The following PRCP variants were observed in gnomAD, a reference collection of about 807,000 sequenced individuals.
The protein encoded by PRCP is prolylcarboxypeptidase.
Under a neutral mutation model 54.2 loss-of-function variants are expected in PRCP, and 46 were observed. The observed-to-expected ratio is 0.85, with a 90% CI of 0.67 to 1.09. PRCP has a LOEUF of 1.09. Among genes scored for constraint, PRCP ranks in the 50% least tolerant of loss-of-function variants. PRCP has a pLI of 0.00. For synonymous variants in PRCP, 240 were observed against 212.2 expected (o/e 1.13, Z -1.14); for missense variants, 613 against 596.8 (o/e 1.03, Z -0.28).
chr11:82,874,411 C>G (rs747092168), intron 1 of PRCP, among the ~76,000 whole-genome samples: 53 of 152,248 alleles, frequency 3.5e-4, no homozygotes, highest in Middle Eastern at 3.4e-3. Context: ...CAAGTTTTAC[C>G]TGGGTGCGGT....
At chr11:82,878,521 A>C (rs1037650791) in intron 1 of PRCP, among the ~76,000 whole-genome samples, 12 of 152,308 alleles carry the variant, frequency 7.9e-5, no homozygotes, top group African/African-American at 2.9e-4. Context: ...GATAGTGAAT[A>C]AGTCTCATGA....
In PRCP at chr11:82,838,366, CT is replaced by C. The variant is rs760757490; in HGVS notation, c.1274+20del. On this transcript the variant is annotated intron_variant, in intron 8 of 8. Transcript: ENST00000313010. ...AAATGTTCCACCAACTGAAGTTTAT[CT>C]TTGGACAGCAAAAACTCACCTGAAA... 2.5e-6 allele frequency: 4 copies of C among 1,586,896 alleles called. No individual in the cohort carries two copies.
At position 82,900,265 on chromosome 11, in the gene PRCP, C is replaced by T. The variant is rs1406045785; in HGVS notation, c.138G>A (p.Lys46=). Reference sequence around the variant, plus strand: ...GTTGGAAGTAGAGAACCGAATAGTTCTTGGCTACAGCCGGGAGGGATGTGG... The same window carrying T: ...GTTGGAAGTAGAGAACCGAATAGTTTTTGGCTACAGCCGGGAGGGATGTGG... ...TNPTSLPAVA[K]NYSVLYFQQK... is the part of the protein sequence containing the mutation. The change falls in exon 1 of 9, where the codon AAG becomes AAA. Residue 46 remains lysine (K), a synonymous_variant. Transcript: ENST00000313010. 6.2e-7 allele frequency: 1 copy of T among 1,614,106 alleles called. No homozygotes were observed. Among genetic ancestry groups the T allele is most frequent in the African/African-American group, 1.3e-5 (1 of 74,948 alleles).
intron 1 of PRCP, among the ~76,000 whole-genome samples, chr11:82,882,125 G>C (rs1057457585): frequency 1.3e-5 from 2 of 152,068 alleles, no homozygotes; most frequent in African/African-American, 4.8e-5. Flanking sequence ...GGCTGAACAG[G>C]AGGAGGAGAA....
At chr11:82,863,500 A>G (rs1859258125) in intron 1 of PRCP, among the ~76,000 whole-genome samples, 1 of 152,200 alleles carries the variant, frequency 6.6e-6, no homozygotes, top group Admixed American at 6.5e-5. Context: ...ATGGCTCTCT[A>G]ACAAGATGCC....
At chr11:82,878,429 T>C (rs571659535) in intron 1 of PRCP, among the ~76,000 whole-genome samples, 78 of 152,246 alleles carry the variant, frequency 5.1e-4, no homozygotes, top group Non-Finnish European at 2.9e-4. Flanking sequence ...TTGAATTGTA[T>C]CTCCCAGAAT....
intron 1 of PRCP, among the ~76,000 whole-genome samples, chr11:82,889,819 C>G (rs1859961921): frequency 6.6e-6 from 1 of 152,080 alleles, no homozygotes; most frequent in Non-Finnish European, 1.5e-5. Context: ...CTTAATAAAG[C>G]AAACAATAAA....
intron 8 of PRCP, chr11:82,837,072 A>T: frequency 4.6e-6 from 1 of 216,760 alleles, no homozygotes; most frequent in Non-Finnish European, 9.7e-6. Context: ...TGTCAAGGTG[A>T]TGTCACACAT....
At position 82,839,311 on chromosome 11, in the gene PRCP, T is replaced by C; in HGVS notation, c.1036A>G (p.Ile346Val). ...AGACTGCTAGTTGCTGTCTCTGAAATATTCAGGCATTTCACCTGGCCCGAA... is the reference window on the plus strand; with the variant it reads ...AGACTGCTAGTTGCTGTCTCTGAAACATTCAGGCATTTCACCTGGCCCGAA... ...NYSGQVKCLN[I>V]SETATSSLGT... The change falls in exon 7 of 9, where the codon ATT becomes GTT. Residue 346 changes from isoleucine (I) to valine (V), a missense_variant. Coordinates refer to ENST00000313010, the MANE Select transcript of PRCP (RefSeq NM_005040.4). 1.2e-6 allele frequency: 2 copies of C among 1,614,090 alleles called. No homozygotes were observed. Among genetic ancestry groups the C allele is most frequent in the Non-Finnish European group, 1.7e-6 (2 of 1,179,984 alleles).
chr11:82,849,232 C>T lies in PRCP; in HGVS notation c.752-14G>A. ...GCAAACCACTGCCTGGGAATAGAAT[C>T]ACACTGTTGGAATCTAAAAAGTACT... On this transcript the variant is annotated splice_polypyrimidine_tract_variant and intron_variant, in intron 5 of 8. Transcript: ENST00000313010. 1 of 1,613,404 alleles carries T rather than the reference C, an allele frequency of 6.2e-7. No individual in the cohort carries two copies. Among genetic ancestry groups the T allele is most frequent in the Non-Finnish European group, 8.5e-7 (1 of 1,179,576 alleles).
intron 3 of PRCP, among the ~76,000 whole-genome samples, chr11:82,851,796 T>C (rs961716454): frequency 3.3e-5 from 5 of 152,138 alleles, no homozygotes; most frequent in African/African-American, 1.2e-4. Flanking sequence ...CTGAATCACA[T>C]AGATCCCATC....
intron 1 of PRCP, among the ~76,000 whole-genome samples, 154 bp from the exon 2 acceptor site, chr11:82,860,271 C>T (rs111433137): frequency 5.9e-5 from 9 of 151,456 alleles, no homozygotes; most frequent in South Asian, 2.1e-4. Flanking sequence ...ATAGTAATAT[C>T]GATATTATTA....
At chr11:82,828,935 A>C (rs1457600131) in intron 8 of PRCP, 1 of 152,174 alleles carries the variant, frequency 6.6e-6, no homozygotes, top group Admixed American at 6.5e-5. Flanking sequence ...GTCACTCTTT[A>C]ATCTTTTTGG....
chr11:82,839,126 A>G, intron 7 of PRCP, 135 bp downstream of exon 7: 1 of 816,838 alleles, frequency 1.2e-6, no homozygotes, highest in Non-Finnish European at 1.9e-6. Context: ...TGTCCATAGT[A>G]TCACAGCATA....
chr11:82,849,048 C>T lies in PRCP; in HGVS notation c.921+1G>A, dbSNP rs2121137378. The stretch of plus-strand genomic sequence containing the variant: ...ATGATGACAGGACATTTTCCTATTA[C>T]CTTGATAGGCCAAGCAGGCAAAGGC... On this transcript the variant is annotated splice_donor_variant, in intron 6 of 8. Coordinates refer to ENST00000313010, the MANE Select transcript of PRCP (RefSeq NM_005040.4). LOFTEE classifies it high-confidence loss of function. The T allele has an allele frequency of 6.2e-7, 1 of 1,611,860 alleles. No individual in the cohort carries two copies.
At chr11:82,901,513 G>A, upstream of PRCP, 2 of 155,716 alleles carry the variant, frequency 1.3e-5, no homozygotes, top group South Asian at 1.8e-4. Flanking sequence ...GGAACCCTAC[G>A]CCCAGGAGGC....
In PRCP at chr11:82,850,468, G is replaced by C; in HGVS notation, c.449C>G (p.Ala150Gly). 6.3e-7 allele frequency: 1 copy of C among 1,592,050 alleles called. No individual in the cohort carries two copies. Among genetic ancestry groups the C allele is most frequent in the Non-Finnish European group, 8.6e-7 (1 of 1,168,194 alleles). Residue 150 changes from alanine (A) to glycine (G), a missense_variant, in exon 4 of 9, where the codon GCT (alanine) becomes GGT (glycine). Coordinates refer to ENST00000313010, the MANE Select transcript of PRCP (RefSeq NM_005040.4). Reference protein sequence around the residue: ...RHLNFLTSEQALADFAELIKH... With the variant: ...RHLNFLTSEQGLADFAELIKH... ...GATTAACTCTGCAAAATCAGCCAGAGCTTGTTCTGATGTCAGGAAATTCAA... is the reference window on the plus strand; with the variant it reads ...GATTAACTCTGCAAAATCAGCCAGACCTTGTTCTGATGTCAGGAAATTCAA...
At chr11:82,887,774 G>C (rs1263199568) in intron 1 of PRCP, among the ~76,000 whole-genome samples, 1 of 152,098 alleles carries the variant, frequency 6.6e-6, no homozygotes, top group Non-Finnish European at 1.5e-5. Context: ...TGGTTACAAA[G>C]AAATTATCTG....
chr11:82,880,355 A>T (rs554791106), intron 1 of PRCP, among the ~76,000 whole-genome samples: 2 of 152,170 alleles, frequency 1.3e-5, no homozygotes, highest in Non-Finnish European at 2.9e-5. Flanking sequence ...ACAGGATATA[A>T]TCTCCTGGTG....
Sources: gnomAD v4.1 joint callset for allele counts (sites outside exome capture counted in the v4.1 genomes callset) on GRCh38, gnomAD v4.1.1 for gene constraint, MANE v1.5 for transcripts, NCBI Gene and HGNC (gene_info 2026-07-23, HGNC 2026-07-21) for gene names.